KCNIP4: variants seen among roughly 807,000 people sequenced by gnomAD.
KCNIP4 encodes the protein Kv channel-interacting protein 4.
A neutral mutation model predicts 34.0 loss-of-function variants in KCNIP4; 12 were observed. The ratio of observed to expected loss-of-function variants is 0.35; its 90% CI spans 0.23 to 0.57. KCNIP4 has a LOEUF of 0.57. Among genes scored for constraint, KCNIP4 ranks in the 20% least tolerant of loss-of-function variants. The probability of loss-of-function intolerance (pLI) is 0.83; values close to 1 mark genes in which losing one functional copy is unlikely to be tolerated. For missense variants in KCNIP4, 238 were observed against 311.7 expected (o/e 0.76, Z 1.78); for synonymous variants, 124 against 102.2 (o/e 1.21, Z -1.29).
At chr4:21,646,288 C>T (rs938663437) in intron 1 of KCNIP4, among the ~76,000 whole-genome samples, 6 of 152,126 alleles carry the variant, frequency 3.9e-5, no homozygotes, top group Admixed American at 6.6e-5. Context: ...TCCCACTGCC[C>T]GGAATAACAT....
chr4:21,813,810 T>C (rs978097243), intron 1 of KCNIP4, among the ~76,000 whole-genome samples: 6 of 152,194 alleles, frequency 3.9e-5, no homozygotes, highest in East Asian at 1.9e-4. Context: ...TGATTTATCC[T>C]TCGTTTGATG....
intron 1 of KCNIP4, among the ~76,000 whole-genome samples, chr4:21,392,886 A>G (rs986497334): frequency 6.6e-6 from 1 of 152,216 alleles, no homozygotes; most frequent in Non-Finnish European, 1.5e-5. Flanking sequence ...AGCATATTCT[A>G]TCTCATATCT....
At chr4:20,758,923 A>G in intron 3 of KCNIP4, 33 bp from the exon 4 acceptor site, 1 of 1,575,046 alleles carries the variant, frequency 6.3e-7, no homozygotes, top group Non-Finnish European at 8.7e-7. Flanking sequence ...AATATGAGCA[A>G]AGTGTTCATA....
chr4:21,676,505 T>C (rs1193903833), intron 1 of KCNIP4, among the ~76,000 whole-genome samples: 2 of 152,218 alleles, frequency 1.3e-5, no homozygotes, highest in African/African-American at 4.8e-5. Context: ...AGCAGAGATA[T>C]TTCACACTTT....
chr4:21,038,244 G>A (rs1268551050), intron 1 of KCNIP4, among the ~76,000 whole-genome samples: 1 of 152,132 alleles, frequency 6.6e-6, no homozygotes, highest in Non-Finnish European at 1.5e-5. Flanking sequence ...TAAAGTGCTG[G>A]GATTACAGGC....
intron 1 of KCNIP4, among the ~76,000 whole-genome samples, chr4:21,645,621 T>G (rs1428220435): frequency 6.6e-6 from 1 of 152,142 alleles, no homozygotes; most frequent in African/African-American, 2.4e-5. Flanking sequence ...TAGGCTCTTG[T>G]GTGGGACAGT....
chr4:21,559,429 C>T (rs891012390), intron 1 of KCNIP4, among the ~76,000 whole-genome samples: 1 of 152,092 alleles, frequency 6.6e-6, no homozygotes, highest in Non-Finnish European at 1.5e-5. Context: ...AAAGTATAAG[C>T]ATTCACCATA....
intron 1 of KCNIP4, among the ~76,000 whole-genome samples, chr4:21,773,742 G>GTTTGTTTTTTTGTTTTGTTTTT (rs1553930230): frequency 5.8e-5 from 2 of 34,430 alleles, no homozygotes; most frequent in African/African-American, 7.1e-5. Context: ...GTTTTTTTTT[G>GTTTGTTTTTTTGTTTTGTTTTT]TTGTTTTTTT....
At chr4:21,645,625 G>A (rs1022993885) in intron 1 of KCNIP4, among the ~76,000 whole-genome samples, 3 of 152,002 alleles carry the variant, frequency 2.0e-5, no homozygotes, top group African/African-American at 7.2e-5. Context: ...CTCTTGTGTG[G>A]GACAGTTCCC....
intron 1 of KCNIP4, among the ~76,000 whole-genome samples, chr4:21,191,010 T>C (rs187934568): frequency 8.9e-4 from 135 of 152,336 alleles, no homozygotes; most frequent in African/African-American, 3.1e-3. Context: ...ATTGTGGCTT[T>C]TGAAAATAAT....
chr4:21,643,308 CAA>C (rs1235710256), intron 1 of KCNIP4, among the ~76,000 whole-genome samples: 1 of 152,112 alleles, frequency 6.6e-6, no homozygotes, highest in African/African-American at 2.4e-5. Context: ...GAATAATCAT[CAA>C]AAAGACTTTC....
At chr4:21,729,742 T>C (rs1261922215) in intron 1 of KCNIP4, 1 of 152,180 alleles carries the variant, frequency 6.6e-6, no homozygotes, top group Non-Finnish European at 1.5e-5. Context: ...AAGTTGACAG[T>C]TTTTATTTAA....
At chr4:21,355,303 G>C (rs1156826031) in intron 1 of KCNIP4, among the ~76,000 whole-genome samples, 2 of 152,086 alleles carry the variant, frequency 1.3e-5, no homozygotes, top group South Asian at 2.1e-4. Flanking sequence ...ACTAAGATGA[G>C]AGCAGAACTG....
intron 1 of KCNIP4, among the ~76,000 whole-genome samples, chr4:21,855,967 T>C (rs9991631): frequency 0.98 from 149,076 of 152,308 alleles, 73,044 homozygotes; most frequent in East Asian, 1. Context: ...AGAATATGTC[T>C]GTTAAAATGA....
intron 1 of KCNIP4, among the ~76,000 whole-genome samples, chr4:21,608,399 T>C (rs957221731): frequency 6.6e-6 from 1 of 152,218 alleles, no homozygotes; most frequent in African/African-American, 2.4e-5. Context: ...GCAACTGAGA[T>C]CCACATTTCC....
intron 2 of KCNIP4, among the ~76,000 whole-genome samples, chr4:20,860,370 T>G (rs1470212605): frequency 1.3e-5 from 2 of 152,154 alleles, no homozygotes; most frequent in African/African-American, 4.8e-5. Flanking sequence ...ACTCTTAACC[T>G]CAGGTGATCC....
At chr4:20,747,315 T>C (rs1752597164) in intron 5 of KCNIP4, among the ~76,000 whole-genome samples, 1 of 152,198 alleles carries the variant, frequency 6.6e-6, no homozygotes, top group Non-Finnish European at 1.5e-5. Flanking sequence ...TTACTCATCC[T>C]CTGGAAGCCA....
chr4:21,926,194 T>C (rs971865610), intron 1 of KCNIP4, among the ~76,000 whole-genome samples: 1 of 152,182 alleles, frequency 6.6e-6, no homozygotes, highest in Admixed American at 6.5e-5. Context: ...TCTCAAATAA[T>C]GCTAACTTTT....
At chr4:21,204,225 C>T (rs1756691233) in intron 1 of KCNIP4, among the ~76,000 whole-genome samples, 1 of 151,876 alleles carries the variant, frequency 6.6e-6, no homozygotes, top group East Asian at 1.9e-4. Flanking sequence ...TTAGTTCAGT[C>T]CAATGAAAGG....
Sources: gnomAD v4.1 joint callset for allele counts (sites outside exome capture counted in the v4.1 genomes callset) on GRCh38, gnomAD v4.1.1 for gene constraint, MANE v1.5 for transcripts, NCBI Gene and HGNC (gene_info 2026-07-23, HGNC 2026-07-21) for gene names.